The following KDM4A variants were observed in gnomAD, a reference collection of about 807,000 sequenced individuals.
KDM4A encodes lysine demethylase 4A.
In KDM4A, 23 loss-of-function variants were observed where a neutral mutation model predicts 127.1. That is an observed-to-expected ratio of 0.18 (90% confidence interval 0.13 to 0.26). The LOEUF (loss-of-function observed/expected upper bound fraction) is 0.26. Among genes scored for constraint, KDM4A ranks in the 10% least tolerant of loss-of-function variants. The pLI, the probability that KDM4A is intolerant of heterozygous loss-of-function variation, is 1.00. For synonymous variants in KDM4A, 443 were observed against 466.5 expected (o/e 0.95, Z 0.65); for missense variants, 890 against 1,329.1 (o/e 0.67, Z 5.14).
intron 4 of KDM4A, among the ~76,000 whole-genome samples, chr1:43,662,501 G>T: frequency 6.6e-6 from 1 of 152,210 alleles, no homozygotes; most frequent in East Asian, 1.9e-4. Flanking sequence ...CCAGGTGCGC[G>T]GGAGGCTGAA....
At chr1:43,663,514 T>G (rs1190200657) in intron 5 of KDM4A, among the ~76,000 whole-genome samples, 4 of 152,208 alleles carry the variant, frequency 2.6e-5, no homozygotes, top group Non-Finnish European at 5.9e-5. Flanking sequence ...CATAAGGGAT[T>G]GCGAGGCTAT....
intron 5 of KDM4A, among the ~76,000 whole-genome samples, chr1:43,663,582 C>T (rs187131324): frequency 2.0e-5 from 3 of 152,042 alleles, no homozygotes; most frequent in Middle Eastern, 3.4e-3. Flanking sequence ...AACATTGGTT[C>T]TCTCTCCTCT....
intron 9 of KDM4A, 148 bp downstream of exon 9, chr1:43,668,167 C>G (rs1049053242): frequency 1.1e-5 from 12 of 1,130,510 alleles, no homozygotes; most frequent in Non-Finnish European, 1.5e-5. Context: ...GCTCTGTCGC[C>G]CAGGCTGGAG....
chr1:43,652,516 T>A (rs902500967), intron 1 of KDM4A, among the ~76,000 whole-genome samples: 32 of 152,004 alleles, frequency 2.1e-4, no homozygotes, highest in African/African-American at 7.5e-4. Context: ...GTTGTTTATT[T>A]AAAAAAAATT....
intron 12 of KDM4A, among the ~76,000 whole-genome samples, chr1:43,687,346 C>G (rs1440038523): frequency 6.6e-6 from 1 of 152,198 alleles, no homozygotes; most frequent in Non-Finnish European, 1.5e-5. Context: ...CAGACCAGAG[C>G]TTTCCTTGGC....
intron 18 of KDM4A, 70 bp from the exon 19 acceptor site, chr1:43,697,773 G>C (rs1047091024): frequency 1.5e-6 from 2 of 1,375,688 alleles, no homozygotes; most frequent in Admixed American, 2.1e-5. Flanking sequence ...GGAACTAATT[G>C]ATCTTCATCT....
At chr1:43,665,200 A>T (rs959662792) in intron 5 of KDM4A, among the ~76,000 whole-genome samples, 2 of 152,162 alleles carry the variant, frequency 1.3e-5, no homozygotes, top group African/African-American at 2.4e-5. Flanking sequence ...TTGGGGAGAT[A>T]AAGGGAAAGT....
chr1:43,665,853 C>A, intron 6 of KDM4A, 108 bp downstream of exon 6: 1 of 1,134,218 alleles, frequency 8.8e-7, no homozygotes, highest in Non-Finnish European at 1.3e-6. Flanking sequence ...GGTCCTGTTG[C>A]AGGCCTGCAG....
Position 43,666,438 on chromosome 1 carries a change from T to C in KDM4A, c.674-14T>C. 1 of 1,611,190 alleles carries C rather than the reference T, an allele frequency of 6.2e-7. No homozygotes were observed. Among genetic ancestry groups the C allele is most frequent in the Non-Finnish European group, 8.5e-7 (1 of 1,177,304 alleles). ...TGGAGCACTGTGTTAACCTGTACCC[T>C]TTCAATTAAATAGGCTTTTTCCCAG... is the stretch of plus-strand genomic sequence containing the variant. On this transcript the variant is annotated splice_polypyrimidine_tract_variant and intron_variant, in intron 6 of 21. Coordinates refer to ENST00000372396, the MANE Select transcript of KDM4A (RefSeq NM_014663.3).
intron 11 of KDM4A, 98 bp from the exon 12 acceptor site, chr1:43,683,586 C>A: frequency 7.2e-7 from 1 of 1,390,684 alleles, no homozygotes; most frequent in Non-Finnish European, 9.8e-7. Flanking sequence ...TTTTGTTTCT[C>A]TGTGCCCCTC....
chr1:43,667,725 A>C (rs749499117), intron 8 of KDM4A, 47 bp from the exon 9 acceptor site: 1 of 1,610,660 alleles, frequency 6.2e-7, no homozygotes, highest in Non-Finnish European at 8.5e-7. Flanking sequence ...GTGAGTTGGA[A>C]GCAGCAAGGT....
rs111780781 is a variant in KDM4A, at chr1:43,701,060, C to T, written c.2842-2557C>T. Reference sequence around the variant, plus strand: ...GCCTCAGCATCCCAAGTAGCTGCGACTACAGGTGCACGCCACCACGCCCAA... The same window carrying T: ...GCCTCAGCATCCCAAGTAGCTGCGATTACAGGTGCACGCCACCACGCCCAA... On this transcript the variant is annotated intron_variant, in intron 19 of 21. Coordinates refer to ENST00000372396, the MANE Select transcript of KDM4A (RefSeq NM_014663.3). 9.9e-4 allele frequency among the ~76,000 whole-genome samples: 150 copies of T among 151,954 alleles called. 3 individuals are homozygous for T. The Middle Eastern group carries it at 0.014, about 14-fold the overall frequency.
At chr1:43,689,454 C>G (rs1157876370) in intron 13 of KDM4A, among the ~76,000 whole-genome samples, 1 of 152,198 alleles carries the variant, frequency 6.6e-6, no homozygotes, top group Non-Finnish European at 1.5e-5. Flanking sequence ...ATTTCCTTAC[C>G]ACAGTCTGAA....
intron 18 of KDM4A, among the ~76,000 whole-genome samples, chr1:43,696,353 A>G (rs765009475): frequency 1.3e-5 from 2 of 152,234 alleles, no homozygotes; most frequent in Non-Finnish European, 2.9e-5. Flanking sequence ...AGGCGATCAT[A>G]CAAGTTTGAC....
chr1:43,670,556 ATTTTT>A (rs35331772), intron 10 of KDM4A, among the ~76,000 whole-genome samples: 1 of 76,170 alleles, frequency 1.3e-5, no homozygotes, highest in Non-Finnish European at 2.5e-5. Flanking sequence ...CGCCTGGCTA[ATTTTT>A]TTTTTTTTTT....
At chr1:43,700,744 G>T (rs1017929232) in intron 19 of KDM4A, among the ~76,000 whole-genome samples, 1 of 151,684 alleles carries the variant, frequency 6.6e-6, no homozygotes, top group East Asian at 1.9e-4. Context: ...GTTAGTTGCA[G>T]TGTGGAATCT....
intron 11 of KDM4A, among the ~76,000 whole-genome samples, chr1:43,673,235 T>C (rs376462515): frequency 2.6e-5 from 4 of 152,236 alleles, no homozygotes; most frequent in East Asian, 1.9e-4. Context: ...CAGTCTTTGG[T>C]GAGGGGTGGG....
intron 18 of KDM4A, among the ~76,000 whole-genome samples, chr1:43,696,503 G>A (rs185543231): frequency 3.9e-4 from 60 of 152,292 alleles, no homozygotes; most frequent in Non-Finnish European, 6.3e-4. Context: ...GATGTTGAAC[G>A]TGACAGGTGG....
chr1:43,692,605 G>A (rs1441769932), intron 16 of KDM4A, among the ~76,000 whole-genome samples: 1 of 152,208 alleles, frequency 6.6e-6, no homozygotes, highest in East Asian at 1.9e-4. Flanking sequence ...ATGATGCGCA[G>A]GGACTGTGTG....
Sources: gnomAD v4.1 joint callset for allele counts (sites outside exome capture counted in the v4.1 genomes callset) on GRCh38, gnomAD v4.1.1 for gene constraint, MANE v1.5 for transcripts, NCBI Gene and HGNC (gene_info 2026-07-23, HGNC 2026-07-21) for gene names.